The following ZNF813 variants were observed in gnomAD, a reference collection of about 807,000 sequenced individuals.
ZNF813 encodes zinc finger protein 813.
ZNF813 carries 3 observed loss-of-function variants against 7.2 expected under a neutral mutation model. That is an observed-to-expected ratio of 0.42 (90% confidence interval 0.19 to 1.08). The LOEUF (loss-of-function observed/expected upper bound fraction) is 1.08. ZNF813 is among the 50% of genes least tolerant of loss of function. ZNF813 has a pLI of 0.30. For synonymous variants in ZNF813, 227 were observed against 256.3 expected, an observed-to-expected ratio of 0.89 and a Z score of 1.09; for missense variants, 714 against 753.3, an observed-to-expected ratio of 0.95 and a Z score of 0.61.
At position 53,495,493 on chromosome 19, in the gene ZNF813, AT is replaced by A. The variant is rs1459457188; in HGVS notation, c.*3409del. ...CACCTCAGCCTCCCAAAGTGTGGAGATTACAGGCATGAGCCACCATGCCCCT... is the reference window on the plus strand; with the variant it reads ...CACCTCAGCCTCCCAAAGTGTGGAGATACAGGCATGAGCCACCATGCCCCT... On this transcript the variant is annotated 3_prime_UTR_variant, in exon 4 of 4. Coordinates refer to ENST00000396403, the MANE Select transcript of ZNF813 (RefSeq NM_001004301.4). 6.6e-5 allele frequency: 10 copies of A among 152,086 alleles called. No individual in the cohort carries two copies. The highest frequency in any genetic ancestry group is 2.2e-4 in the African/African-American group (9 of 41,394). 9.4% of individuals were successfully genotyped at this position (152,086 alleles called of 1,614,324 possible).
intron 3 of ZNF813, among the ~76,000 whole-genome samples, 151 bp downstream of exon 3, chr19:53,486,909 A>T (rs1391692417): frequency 4.0e-5 from 6 of 151,794 alleles, no homozygotes. Flanking sequence ...CCTGGGCTCA[A>T]GTGATTGTCC....
chr19:53,479,225 A>T, intron 1 of ZNF813: 1 of 947,790 alleles, frequency 1.1e-6, no homozygotes, highest in Non-Finnish European at 1.6e-6. Flanking sequence ...GTGAGCAACC[A>T]CGCCCAGCTG....
At chr19:53,479,689 T>A (rs1210451334) in intron 1 of ZNF813, 4 of 1,166,960 alleles carry the variant, frequency 3.4e-6, no homozygotes, top group Non-Finnish European at 3.8e-6. Context: ...TCAAAGAAGC[T>A]AAGCACATTG....
Position 53,492,298 on chromosome 19 carries a change from G to A in ZNF813, c.*212G>A. 1.3e-6 allele frequency: 1 copy of A among 782,000 alleles called. No individual in the cohort carries two copies. Among genetic ancestry groups the A allele is most frequent in the Non-Finnish European group, 2.1e-6 (1 of 481,396 alleles). The allele number at this position is 782,000 out of a possible 1,614,324, so 48.4% of individuals were successfully genotyped here. A position where few individuals can be genotyped will look rare whatever the true frequency, so the allele number is the denominator to read the frequency against. ...CATAGTGGAGAGAAACCTTAGAAAT[G>A]TGAAGCATGTGACAAAGTTTACAGT... On this transcript the variant is annotated 3_prime_UTR_variant, in exon 4 of 4. Coordinates refer to ENST00000396403, the MANE Select transcript of ZNF813 (RefSeq NM_001004301.4).
rs542945894 is a variant in ZNF813 at position 53,494,039 on chromosome 19, G to T, written c.*1953G>T. 6.6e-6 allele frequency: 1 copy of T among 152,392 alleles called. No individual in the cohort carries two copies. The highest frequency in any genetic ancestry group is 6.5e-5 in the Admixed American group (1 of 15,306). The allele number at this position is 152,392 out of a possible 1,614,324, so 9.4% of individuals were successfully genotyped here. A position where few individuals can be genotyped will look rare whatever the true frequency, so the allele number is the denominator to read the frequency against. On this transcript the variant is annotated 3_prime_UTR_variant, in exon 4 of 4. Coordinates refer to ENST00000396403, the MANE Select transcript of ZNF813 (RefSeq NM_001004301.4). ...ATACTTTTTCTCCATCTATTGAGAT[G>T]ATGTGGTTTTCATCTTTCATTCTGT...
intron 1 of ZNF813, chr19:53,480,146 A>G (rs770869316): frequency 2.6e-6 from 2 of 760,478 alleles, no homozygotes; most frequent in African/African-American, 3.4e-5. Context: ...ACTCCGCCTG[A>G]GGCCAGCCTG....
chr19:53,468,961 C>T (rs61109951), intron 1 of ZNF813, among the ~76,000 whole-genome samples: 13,225 of 143,200 alleles, frequency 0.092, 736 homozygotes, highest in Non-Finnish European at 0.13. Flanking sequence ...GGCCATATCT[C>T]AGGCTGTCTC....
rs577864126 is a variant in ZNF813 at position 53,491,990 on chromosome 19, G to A, written c.1758G>A (p.Lys586=). 1.8e-5 allele frequency: 29 copies of A among 1,612,548 alleles called. No homozygotes were observed. In the East Asian group the frequency reaches 5.6e-4, roughly 31 times the overall value. ...CTTACAAGTGTAATGAATGTGGCAA[G>A]GTTTTTAATCAAAAAGCAAACCTTG... ...EKPYKCNECG[K]VFNQKANLAR... Residue 586 remains lysine (K), a synonymous_variant, in exon 4 of 4, where the codon AAG becomes AAA. Transcript: ENST00000396403.
rs2086477811 is a variant in ZNF813, at chr19:53,494,468, A to G, written c.*2382A>G. ...AGACCAGCCTCACCAACATGGAGAAACAGCATCTCTACTAAAAATACAAAA... is the reference window on the plus strand; with the variant it reads ...AGACCAGCCTCACCAACATGGAGAAGCAGCATCTCTACTAAAAATACAAAA... On this transcript the variant is annotated 3_prime_UTR_variant, in exon 4 of 4. Transcript: ENST00000396403. 1 of 152,106 alleles carries G rather than the reference A, an allele frequency of 6.6e-6. No homozygotes were observed. The highest frequency in any genetic ancestry group is 1.5e-5 in the Non-Finnish European group (1 of 68,040). 9.4% of individuals were successfully genotyped at this position (152,106 alleles called of 1,614,324 possible). A position where few individuals can be genotyped will look rare whatever the true frequency, so the allele number is the denominator to read the frequency against.
chr19:53,486,483 G>T, intron 2 of ZNF813, 149 bp from the exon 3 acceptor site: 1 of 1,503,782 alleles, frequency 6.6e-7, no homozygotes, highest in Non-Finnish European at 9.0e-7. Context: ...CAGCTGGGAA[G>T]ACAAAATGTG....
At chr19:53,486,922 C>G (rs1227562875) in intron 3 of ZNF813, among the ~76,000 whole-genome samples, 164 bp downstream of exon 3, 1 of 151,898 alleles carries the variant, frequency 6.6e-6, no homozygotes, top group Non-Finnish European at 1.5e-5. Flanking sequence ...GATTGTCCCA[C>G]CTCAGCCTCC....
At position 53,496,036 on chromosome 19, in the gene ZNF813, A is replaced by G. The variant is rs1600118397; in HGVS notation, c.*3950A>G. The G allele has an allele frequency of 2.9e-6, 1 of 345,034 alleles. No individual in the cohort carries two copies. Among genetic ancestry groups the G allele is most frequent in the Non-Finnish European group, 5.7e-6 (1 of 175,324 alleles). 21.4% of individuals were successfully genotyped at this position (345,034 alleles called of 1,614,324 possible). On this transcript the variant is annotated 3_prime_UTR_variant, in exon 4 of 4. Coordinates refer to ENST00000396403, the MANE Select transcript of ZNF813 (RefSeq NM_001004301.4). The stretch of plus-strand genomic sequence containing the variant: ...TGGAGAAGAACGAAGCGGGGTCTAT[A>G]AGGAATTGCACGTGAGATGGCACAC...
rs2086457015 is a variant in ZNF813 at position 53,490,855 on chromosome 19, T to A, written c.623T>A (p.Val208Glu). The A allele has an allele frequency of 6.2e-7, 1 of 1,614,022 alleles. No individual in the cohort carries two copies. Among genetic ancestry groups the A allele is most frequent in the Admixed American group, 1.7e-5 (1 of 60,000 alleles). Residue 208 changes from valine (V) to glutamate (E), a missense_variant, in exon 4 of 4, where the codon GTA (valine) becomes GAA (glutamate). Physicochemically the swap from Val to Glu is moderately radical, Grantham distance 121. This residue lies in a region of ZNF813 where 563 missense variants were observed against 554.2 expected (regional missense o/e 1.02). Coordinates refer to ENST00000396403, the MANE Select transcript of ZNF813 (RefSeq NM_001004301.4). ...NSSLLTQKQE[V>E]HMREKSFQCN... Reference sequence around the variant, plus strand: ...TCGTTACTCACACAAAAACAGGAGGTACACATGAGAGAAAAGTCTTTCCAA... The same window carrying A: ...TCGTTACTCACACAAAAACAGGAGGAACACATGAGAGAAAAGTCTTTCCAA...
rs1349931361 is a variant in ZNF813, at chr19:53,494,542, C to T, written c.*2456C>T. ...CCTGTAATCCCAGATACTCTGGAGG[C>T]TGAGGCAGGAGAATGGCTTGAACCC... On this transcript the variant is annotated 3_prime_UTR_variant, in exon 4 of 4. Coordinates refer to ENST00000396403, the MANE Select transcript of ZNF813 (RefSeq NM_001004301.4). 1 of 151,796 alleles carries T rather than the reference C, an allele frequency of 6.6e-6. No individual in the cohort carries two copies. Among genetic ancestry groups the T allele is most frequent in the Non-Finnish European group, 1.5e-5 (1 of 68,046 alleles). 9.4% of individuals were successfully genotyped at this position (151,796 alleles called of 1,614,324 possible). A position where few individuals can be genotyped will look rare whatever the true frequency, so the allele number is the denominator to read the frequency against.
chr19:53,488,417 T>G lies in ZNF813; in HGVS notation c.142+1659T>G, dbSNP rs572907576. The G allele has an allele frequency of 1.7e-5, 5 of 294,864 alleles. No individual in the cohort carries two copies. In the East Asian group the frequency reaches 5.3e-4, roughly 31 times the overall value. The allele number at this position is 294,864 out of a possible 1,614,324, so 18.3% of individuals were successfully genotyped here. A position where few individuals can be genotyped will look rare whatever the true frequency, so the allele number is the denominator to read the frequency against. ...CTTCTTTCATTTCCTTTTTTTTCTT[T>G]TTTTTTTTTGAGATGGAGTCTTGGT... On this transcript the variant is annotated intron_variant, in intron 3 of 3. Coordinates refer to ENST00000396403, the MANE Select transcript of ZNF813 (RefSeq NM_001004301.4).
At chr19:53,485,601 T>TATATACATGTATGTCATG (rs1568831912) in intron 2 of ZNF813, among the ~76,000 whole-genome samples, 4 of 150,548 alleles carry the variant, frequency 2.7e-5, no homozygotes, top group East Asian at 4.0e-4. Context: ...TATGTCATGA[T>TATATACATGTATGTCATG]ATATATCGTG....
chr19:53,470,828 C>T (rs2086355027), intron 1 of ZNF813, among the ~76,000 whole-genome samples: 1 of 151,846 alleles, frequency 6.6e-6, no homozygotes, highest in Non-Finnish European at 1.5e-5. Flanking sequence ...CCTTCCTGGG[C>T]TAGGAGGTAG....
intron 1 of ZNF813, among the ~76,000 whole-genome samples, chr19:53,471,789 G>A (rs959886613): frequency 1.1e-4 from 14 of 128,262 alleles, no homozygotes; most frequent in African/African-American, 3.4e-4. Context: ...TCCAGCCTGC[G>A]TGACAGAGTG....
At chr19:53,477,672 T>C (rs1421079302) in intron 1 of ZNF813, among the ~76,000 whole-genome samples, 2 of 98,252 alleles carry the variant, frequency 2.0e-5, no homozygotes, top group Admixed American at 1.0e-4. Context: ...ATAAATAAAA[T>C]TAACCAGATG....
Sources: allele counts gnomAD v4.1 joint callset (sites outside exome capture counted in the v4.1 genomes callset), GRCh38; gene constraint gnomAD v4.1.1; regional missense constraint gnomAD v4.1.1; transcripts MANE v1.5; gene names NCBI Gene and HGNC (gene_info 2026-07-23, HGNC 2026-07-21).